PCDHGA1: variants seen among roughly 807,000 people sequenced by gnomAD.
PCDHGA1 encodes the protein protocadherin gamma subfamily A, 1.
In PCDHGA1, 32 loss-of-function variants were observed where a neutral mutation model predicts 58.0. That is an observed-to-expected ratio of 0.55 (90% CI 0.42 to 0.74). PCDHGA1 has a LOEUF of 0.74. Ranked by LOEUF, PCDHGA1 falls within the 30% of genes least tolerant of loss-of-function variation. The pLI, the probability that PCDHGA1 is intolerant of heterozygous loss-of-function variation, is 0.00. For synonymous variants in PCDHGA1, 498 were observed against 501.1 expected (o/e 0.99, Z 0.08); for missense variants, 1,205 against 1,182.3 (o/e 1.02, Z -0.28).
intron 1 of PCDHGA1, chr5:141,391,305 T>TC (rs1349412285): frequency 6.6e-6 from 1 of 151,546 alleles, no homozygotes; most frequent in African/African-American, 2.4e-5. Flanking sequence ...GTCTTTCGAT[T>TC]CTTTTTTTTT....
In PCDHGA1 at chr5:141,352,429, T is replaced by C. The variant is rs541911946; in HGVS notation, c.2421+19324T>C. ...CCAGCCTCGACACTGAGGGCTGCTT[T>C]CAAACCGGTCTCTGCTCCAAGTCTG... On this transcript the variant is annotated intron_variant, in intron 1 of 3. Coordinates refer to ENST00000517417, the MANE Select transcript of PCDHGA1 (RefSeq NM_018912.3). 13 of 1,614,058 alleles carry C rather than the reference T, an allele frequency of 8.1e-6. No individual in the cohort carries two copies. In the South Asian group the frequency reaches 1.3e-4, roughly 16 times the overall value.
At chr5:141,359,403 T>A (rs537234206) in intron 1 of PCDHGA1, among the ~76,000 whole-genome samples, 7 of 152,150 alleles carry the variant, frequency 4.6e-5, no homozygotes, top group South Asian at 4.2e-4. Flanking sequence ...TCAAATTTTT[T>A]AAAAAATGTG....
chr5:141,507,522 C>G (rs560304194), intron 3 of PCDHGA1, among the ~76,000 whole-genome samples: 365 of 152,096 alleles, frequency 2.4e-3, no homozygotes, highest in African/African-American at 8.1e-3. Context: ...GCTATGATTC[C>G]AGAGAGGCCA....
chr5:141,487,377 C>T lies in PCDHGA1; in HGVS notation c.2422-7430C>T, dbSNP rs758216933. Reference sequence around the variant, plus strand: ...CCTGCTGGCACCTGTGCCTGTCTCACCAGATCTCGAAGGAGGGAGGGGCTT... The same window carrying T: ...CCTGCTGGCACCTGTGCCTGTCTCATCAGATCTCGAAGGAGGGAGGGGCTT... On this transcript the variant is annotated intron_variant, in intron 1 of 3. Transcript: ENST00000517417. The surrounding 1 kb of genome is among the most constrained non-coding windows in gnomAD (Gnocchi z 5.0). 6.2e-7 allele frequency: 1 copy of T among 1,614,190 alleles called. No homozygotes were observed. Among genetic ancestry groups the T allele is most frequent in the Non-Finnish European group, 8.5e-7 (1 of 1,180,034 alleles).
At chr5:141,407,963 G>T (rs2095010709) in intron 1 of PCDHGA1, 1 of 681,746 alleles carries the variant, frequency 1.5e-6, no homozygotes, top group Admixed American at 3.5e-5. Context: ...TGCAGAGCAA[G>T]CGCTGACGCC....
intron 1 of PCDHGA1, among the ~76,000 whole-genome samples, chr5:141,358,630 G>A (rs1355108654): frequency 6.6e-6 from 1 of 152,190 alleles, no homozygotes; most frequent in Non-Finnish European, 1.5e-5. Context: ...GCTAATTTCA[G>A]TCATATATAA....
At position 141,332,274 on chromosome 5, in the gene PCDHGA1, G is replaced by C; in HGVS notation, c.1590G>C (p.Leu530=). ...ATGAGCAGTTCCGGGACATGCAACT[G>C]AAAGTGATGGCGCGGGACAGTGGGG... ...FDYEQFRDMQ[L]KVMARDSGDP... Residue 530 remains leucine, a synonymous_variant, in exon 1 of 4, where the codon CTG becomes CTC. Transcript: ENST00000517417. This position sits in a 1 kb window ranked among gnomAD's most constrained non-coding sequence, Gnocchi z 4.6. The C allele has an allele frequency of 6.2e-7, 1 of 1,614,226 alleles. No individual in the cohort carries two copies.
chr5:141,414,434 C>T (rs774467993), intron 1 of PCDHGA1: 5 of 1,613,704 alleles, frequency 3.1e-6, no homozygotes, highest in Non-Finnish European at 3.4e-6. Context: ...GAACAGGTAT[C>T]CTCTTACAAT....
At chr5:141,398,893 C>G in intron 1 of PCDHGA1, 1 of 1,613,962 alleles carries the variant, frequency 6.2e-7, no homozygotes, top group Admixed American at 1.7e-5. Flanking sequence ...GGAAAACGTG[C>G]CACCAGGCAC....
At position 141,463,610 on chromosome 5, in the gene PCDHGA1, G is replaced by T. The variant is rs189991450; in HGVS notation, c.2422-31197G>T. Among the ~76,000 whole-genome samples, 263 of 151,786 alleles carry T rather than the reference G, an allele frequency of 1.7e-3. 1 individual carries two copies. The highest frequency in any genetic ancestry group is 3.4e-3 in the Middle Eastern group (1 of 292). ...ACTACAGGTGCCTGCCACCATGCCC[G>T]GCTAATTTTTTGTATTTTGTTTAGT... On this transcript the variant is annotated intron_variant, in intron 1 of 3. Transcript: ENST00000517417.
chr5:141,393,555 C>G, intron 1 of PCDHGA1: 6 of 1,613,928 alleles, frequency 3.7e-6, no homozygotes, highest in Non-Finnish European at 5.1e-6. Flanking sequence ...CCCGATTTAC[C>G]GAGTGAAAGT....
At chr5:141,355,901 A>C (rs1188720944) in intron 1 of PCDHGA1, 6 of 1,613,670 alleles carry the variant, frequency 3.7e-6, no homozygotes, top group Non-Finnish European at 4.2e-6. Flanking sequence ...ATACTTGTGG[A>C]TACCAACGAT....
At chr5:141,371,584 A>T in intron 1 of PCDHGA1, 2 of 1,613,962 alleles carry the variant, frequency 1.2e-6, no homozygotes, top group Non-Finnish European at 1.7e-6. Flanking sequence ...ATCGTTCAAG[A>T]TACCAAAAAC....
intron 1 of PCDHGA1, chr5:141,374,063 G>T: frequency 6.7e-7 from 1 of 1,496,072 alleles, no homozygotes; most frequent in Non-Finnish European, 8.9e-7. Flanking sequence ...TAATCCCAGA[G>T]AAGTTCCTAA....
rs753051237 is a variant in PCDHGA1, at chr5:141,490,422, A to G, written c.2422-4385A>G. On this transcript the variant is annotated intron_variant, in intron 1 of 3. Coordinates refer to ENST00000517417, the MANE Select transcript of PCDHGA1 (RefSeq NM_018912.3). This position sits in a 1 kb window ranked among gnomAD's most constrained non-coding sequence, Gnocchi z 5.4. Reference sequence around the variant, plus strand: ...GCCTTGATATCTCTCCGGACCTGCCATTTCAGATTAAGCCTTCTGAGAACC... The same window carrying G: ...GCCTTGATATCTCTCCGGACCTGCCGTTTCAGATTAAGCCTTCTGAGAACC... 1 of 1,614,178 alleles carries G rather than the reference A, an allele frequency of 6.2e-7. No individual in the cohort carries two copies. The highest frequency in any genetic ancestry group is 1.7e-5 in the Admixed American group (1 of 60,030).
At chr5:141,389,887 A>G (rs1473090410) in intron 1 of PCDHGA1, 2 of 1,613,940 alleles carry the variant, frequency 1.2e-6, no homozygotes, top group East Asian at 2.2e-5. Context: ...AGCTTGCAGG[A>G]GGTGCTGCCG....
chr5:141,426,802 C>G (rs2096961440), intron 1 of PCDHGA1: 1 of 456,696 alleles, frequency 2.2e-6, no homozygotes, highest in South Asian at 1.5e-5. Flanking sequence ...CAGCTCAGTT[C>G]TAATGAACAT....
At chr5:141,479,312 A>G (rs1218187495) in intron 1 of PCDHGA1, 5 of 152,526 alleles carry the variant, frequency 3.3e-5, no homozygotes, top group African/African-American at 9.6e-5. Context: ...GAAAACATAA[A>G]GTAGCCAGAC....
In PCDHGA1 at chr5:141,360,298, G is replaced by A. The variant is rs368468229; in HGVS notation, c.2421+27193G>A. On this transcript the variant is annotated intron_variant, in intron 1 of 3. Transcript: ENST00000517417. Reference sequence around the variant, plus strand: ...CGTAGGAAACCTCGCCAAGGATCTGGGGCTCAGCGTCCGGGACTTGCCAGC... The same window carrying A: ...CGTAGGAAACCTCGCCAAGGATCTGAGGCTCAGCGTCCGGGACTTGCCAGC... 268 of 1,613,990 alleles carry A rather than the reference G, an allele frequency of 1.7e-4. No individual in the cohort carries two copies. The highest frequency in any genetic ancestry group is 2.2e-4 in the Non-Finnish European group (260 of 1,179,896).
Sources: gnomAD v4.1 joint callset for allele counts (sites outside exome capture counted in the v4.1 genomes callset) on GRCh38, gnomAD v4.1.1 for gene constraint, Gnocchi (gnomAD v3.1) non-coding constraint, MANE v1.5 for transcripts, NCBI Gene and HGNC (gene_info 2026-07-23, HGNC 2026-07-21) for gene names.